GDPD5: variants seen among roughly 807,000 people sequenced by gnomAD.
The protein encoded by GDPD5 is glycerophosphodiester phosphodiesterase 2.
GDPD5 carries 48 observed loss-of-function variants against 75.1 expected under a neutral mutation model. The observed-to-expected ratio is 0.64, with a 90% confidence interval of 0.51 to 0.81. The LOEUF is 0.81. GDPD5 is among the 40% of genes least tolerant of loss of function. The pLI, the probability that GDPD5 is intolerant of heterozygous loss-of-function variation, is 0.00. For synonymous variants in GDPD5, 336 were observed against 339.0 expected, an observed-to-expected ratio of 0.99 and a Z score of 0.10; for missense variants, 706 against 822.6, an observed-to-expected ratio of 0.86 and a Z score of 1.73.
At chr11:75,504,592 T>C (rs1367839883) in intron 1 of GDPD5, among the ~76,000 whole-genome samples, 1 of 152,164 alleles carries the variant, frequency 6.6e-6, no homozygotes, top group African/African-American at 2.4e-5. Context: ...CACTTATATA[T>C]GGTATCTAAA....
At chr11:75,483,116 C>G (rs1442413407) in intron 2 of GDPD5, among the ~76,000 whole-genome samples, 1 of 152,138 alleles carries the variant, frequency 6.6e-6, no homozygotes, top group Non-Finnish European at 1.5e-5. Flanking sequence ...TAGGTCCAAT[C>G]GATTTCTCCA....
intron 6 of GDPD5, chr11:75,450,321 G>A: frequency 2.5e-6 from 1 of 394,722 alleles, no homozygotes; most frequent in Non-Finnish European, 4.7e-6. Flanking sequence ...GGGCCTGGCA[G>A]GTTAGTCACA....
chr11:75,524,571 C>T (rs1190905896), intron 1 of GDPD5, among the ~76,000 whole-genome samples: 1 of 152,222 alleles, frequency 6.6e-6, no homozygotes, highest in African/African-American at 2.4e-5. Flanking sequence ...GGCTACATCT[C>T]CAGCTCTGAC....
chr11:75,500,615 C>T (rs1230694298), intron 1 of GDPD5, among the ~76,000 whole-genome samples: 1 of 152,184 alleles, frequency 6.6e-6, no homozygotes, highest in East Asian at 1.9e-4. Context: ...AACCACCCAT[C>T]TCTGGCTGGA....
At chr11:75,475,868 C>G (rs1949767695) in intron 3 of GDPD5, among the ~76,000 whole-genome samples, 1 of 152,202 alleles carries the variant, frequency 6.6e-6, no homozygotes, top group Non-Finnish European at 1.5e-5. Context: ...CCTTGCAGGG[C>G]ACATTCTGTT....
chr11:75,439,145 A>G (rs1179403341), intron 15 of GDPD5, among the ~76,000 whole-genome samples: 1 of 152,210 alleles, frequency 6.6e-6, no homozygotes, highest in East Asian at 1.9e-4. Context: ...GAGCAGAGGG[A>G]CACACACGGC....
chr11:75,447,485 AG>A (rs1250095213), intron 9 of GDPD5, among the ~76,000 whole-genome samples: 1 of 152,198 alleles, frequency 6.6e-6, no homozygotes, highest in Admixed American at 6.5e-5. Context: ...TTACTACCCC[AG>A]AAAAAAAAGT....
intron 1 of GDPD5, among the ~76,000 whole-genome samples, chr11:75,494,376 C>A (rs1950174327): frequency 6.6e-6 from 1 of 151,984 alleles, no homozygotes; most frequent in Non-Finnish European, 1.5e-5. Context: ...TGCCACCATG[C>A]CCAACTATTT....
At chr11:75,516,111 G>A (rs1440263736) in intron 1 of GDPD5, 1 of 152,286 alleles carries the variant, frequency 6.6e-6, no homozygotes, top group African/African-American at 2.4e-5. Context: ...AATGTAATGG[G>A]CTCCATGCTG....
intron 9 of GDPD5, among the ~76,000 whole-genome samples, chr11:75,445,324 G>T (rs963753853): frequency 6.6e-6 from 1 of 152,108 alleles, no homozygotes; most frequent in African/African-American, 2.4e-5. Flanking sequence ...TCTGGTTCTA[G>T]CCTTGACTCT....
chr11:75,502,091 A>C (rs1456226520), intron 1 of GDPD5, among the ~76,000 whole-genome samples: 1 of 152,190 alleles, frequency 6.6e-6, no homozygotes, highest in Non-Finnish European at 1.5e-5. Context: ...AAACAGAAGG[A>C]CATCCTGGAA....
chr11:75,441,432 G>T (rs890355355), intron 13 of GDPD5, 122 bp from the exon 14 acceptor site: 2 of 1,310,596 alleles, frequency 1.5e-6, no homozygotes, highest in African/African-American at 2.9e-5. Flanking sequence ...AGGAACATTG[G>T]CTCCAGAGGG....
At chr11:75,456,917 C>A in intron 5 of GDPD5, 101 bp from the exon 6 acceptor site, 1 of 1,210,874 alleles carries the variant, frequency 8.3e-7, no homozygotes, top group Non-Finnish European at 1.2e-6. Context: ...TGGGCCTGAC[C>A]CTGGGCAGAG....
chr11:75,511,663 G>C (rs1479078657), intron 1 of GDPD5, among the ~76,000 whole-genome samples: 1 of 152,182 alleles, frequency 6.6e-6, no homozygotes. Flanking sequence ...CACCCAGCCA[G>C]GGCCATGCTT....
chr11:75,509,228 G>C (rs617138), intron 1 of GDPD5, among the ~76,000 whole-genome samples: 1 of 152,056 alleles, frequency 6.6e-6, no homozygotes, highest in Non-Finnish European at 1.5e-5. Flanking sequence ...CTCAGAGGCC[G>C]AGACCCCTGG....
intron 3 of GDPD5, 36 bp from the exon 4 acceptor site, chr11:75,462,925 AGGGGCCAGCCCCTTAGGCTGCCTCC>A: frequency 1.9e-6 from 3 of 1,553,580 alleles, no homozygotes; most frequent in Non-Finnish European, 2.7e-6. Flanking sequence ...TAAGTGGGTC[AGGGGCCAGCCCCTTAGGCTGCCTCC>A]CACCAGAATG....
intron 1 of GDPD5, among the ~76,000 whole-genome samples, chr11:75,506,475 T>C (rs1950401881): frequency 6.6e-6 from 1 of 152,188 alleles, no homozygotes; most frequent in African/African-American, 2.4e-5. Flanking sequence ...AGGCCTGATA[T>C]GATCCGGCTG....
chr11:75,522,237 G>T (rs1258924116), intron 1 of GDPD5, among the ~76,000 whole-genome samples: 1 of 152,172 alleles, frequency 6.6e-6, no homozygotes, highest in Non-Finnish European at 1.5e-5. Flanking sequence ...TTGAGAAGTG[G>T]ACATCACAAC....
intron 6 of GDPD5, chr11:75,450,278 G>A (rs564359732): frequency 5.7e-5 from 29 of 511,792 alleles, no homozygotes; most frequent in African/African-American, 5.4e-4. Flanking sequence ...GGAACTGTGA[G>A]GAGGGAGGAC....
Sources: gnomAD v4.1 joint callset for allele counts (sites outside exome capture counted in the v4.1 genomes callset) on GRCh38, gnomAD v4.1.1 for gene constraint, MANE v1.5 for transcripts, NCBI Gene and HGNC (gene_info 2026-07-23, HGNC 2026-07-21) for gene names.